Variants in OSBP2 observed in about 807,000 individuals in gnomAD.
The protein encoded by OSBP2 is oxysterol-binding protein 2.
In OSBP2, 66 loss-of-function variants were observed where a neutral mutation model predicts 96.0. That is an observed-to-expected ratio of 0.69 (90% CI 0.56 to 0.84). The LOEUF is 0.84. Among genes scored for constraint, OSBP2 ranks in the 40% least tolerant of loss-of-function variants. OSBP2 has a pLI of 0.00. For synonymous variants in OSBP2, 525 were observed against 520.9 expected (o/e 1.01, Z -0.11); for missense variants, 1,038 against 1,222.7 (o/e 0.85, Z 2.25).
intron 1 of OSBP2, among the ~76,000 whole-genome samples, chr22:30,739,761 G>A (rs1222820814): frequency 2.0e-5 from 3 of 152,156 alleles, no homozygotes; most frequent in Non-Finnish European, 2.9e-5. Flanking sequence ...TCTGCTGTGC[G>A]GGAGATGGGA....
chr22:30,853,592 G>A (rs2039017448), intron 2 of OSBP2, among the ~76,000 whole-genome samples: 1 of 151,982 alleles, frequency 6.6e-6, no homozygotes, highest in Admixed American at 6.6e-5. Flanking sequence ...TATCCAGCCT[G>A]ATAAAGTCTC....
chr22:30,695,519 T>C lies in OSBP2; in HGVS notation c.610T>C (p.Phe204Leu), dbSNP rs190861655. The C allele has an allele frequency of 6.2e-7, 1 of 1,611,780 alleles. No homozygotes were observed. The highest frequency in any genetic ancestry group is 8.5e-7 in the Non-Finnish European group (1 of 1,179,984). The change falls in exon 1 of 14, where the codon TTC becomes CTC. Residue 204 changes from phenylalanine (F) to leucine (L), a missense_variant. Phe to Leu is a conservative substitution (Grantham distance 22, BLOSUM62 0). Transcript: ENST00000332585. The part of the protein sequence containing the change: ...NYLKGYQRRW[F>L]VLGNGLLSYY... ...TCTGAAGGGCTACCAGCGCCGCTGG[T>C]TCGTGCTGGGCAATGGTTTGCTCTC...
At chr22:30,774,779 T>A (rs2090407325) in intron 2 of OSBP2, among the ~76,000 whole-genome samples, 1 of 152,246 alleles carries the variant, frequency 6.6e-6, no homozygotes. Context: ...TATACATCTG[T>A]GGCACCACTT....
chr22:30,717,613 GC>G (rs2089484999), intron 1 of OSBP2, among the ~76,000 whole-genome samples: 1 of 152,212 alleles, frequency 6.6e-6, no homozygotes, highest in South Asian at 2.1e-4. Context: ...AAGAATGATT[GC>G]CATAGCCTGT....
chr22:30,713,109 C>G (rs1459495981), intron 1 of OSBP2, among the ~76,000 whole-genome samples: 1 of 145,848 alleles, frequency 6.9e-6, no homozygotes, highest in Non-Finnish European at 1.5e-5. Flanking sequence ...GACAGAGTCT[C>G]ACTCTGTCGC....
chr22:30,757,603 A>C (rs1177459391), intron 2 of OSBP2, among the ~76,000 whole-genome samples: 1 of 152,006 alleles, frequency 6.6e-6, no homozygotes, highest in Non-Finnish European at 1.5e-5. Context: ...TTTTCGGTAG[A>C]GACAGGGTTC....
At chr22:30,773,553 C>T (rs2090385154) in intron 2 of OSBP2, among the ~76,000 whole-genome samples, 1 of 152,148 alleles carries the variant, frequency 6.6e-6, no homozygotes, top group Non-Finnish European at 1.5e-5. Flanking sequence ...CACTGAATGC[C>T]CAGTGCCTAC....
intron 3 of OSBP2, among the ~76,000 whole-genome samples, chr22:30,884,381 G>T (rs1314400189): frequency 6.6e-6 from 1 of 152,192 alleles, no homozygotes; most frequent in Admixed American, 6.5e-5. Context: ...GTCTCACAGA[G>T]AGGATGTGGG....
chr22:30,749,088 C>A (rs1341563502), intron 2 of OSBP2, among the ~76,000 whole-genome samples: 1 of 152,136 alleles, frequency 6.6e-6, no homozygotes, highest in Admixed American at 6.6e-5. Context: ...TGCACTCCAG[C>A]CTGGGTGAGA....
Position 30,889,208 on chromosome 22 carries a change from TC to T in OSBP2, c.1452del (p.Val485TrpfsTer10). On this transcript the variant is annotated frameshift_variant, in exon 6 of 14. Transcript: ENST00000332585. LOFTEE classifies it high-confidence loss of function. Reference sequence around the variant, plus strand: ...AGCTGAAGGTAGCACCGGGACAAGTTCCGTGGACTGGAGCTCAGCAGACAAT... The same window carrying T: ...AGCTGAAGGTAGCACCGGGACAAGTTCGTGGACTGGAGCTCAGCAGACAAT... ...RKAEGSTGTS[S>X]VDWSSADNVL... is the part of the protein sequence containing the mutation. 6.2e-7 allele frequency: 1 copy of T among 1,613,362 alleles called. No individual in the cohort carries two copies. The highest frequency in any genetic ancestry group is 8.5e-7 in the Non-Finnish European group (1 of 1,179,836).
chr22:30,830,478 T>A (rs1214090498), intron 2 of OSBP2, among the ~76,000 whole-genome samples: 1 of 152,218 alleles, frequency 6.6e-6, no homozygotes, highest in African/African-American at 2.4e-5. Context: ...CAAGTGTCTT[T>A]CCTGGTCAGG....
chr22:30,843,873 A>ATTT (rs760334311), intron 2 of OSBP2, among the ~76,000 whole-genome samples: 1 of 139,600 alleles, frequency 7.2e-6, no homozygotes, highest in Non-Finnish European at 1.6e-5. Flanking sequence ...GTCTCAAACA[A>ATTT]TTTTTTTTTT....
chr22:30,777,998 A>T (rs187786709), intron 2 of OSBP2, among the ~76,000 whole-genome samples: 1 of 151,676 alleles, frequency 6.6e-6, no homozygotes, highest in Non-Finnish European at 1.5e-5. Context: ...AGCTTATTTT[A>T]TTTATTTATT....
At chr22:30,846,002 CTATGAACATTCATGTGTGAGTT>C (rs1407324592) in intron 2 of OSBP2, among the ~76,000 whole-genome samples, 4 of 151,932 alleles carry the variant, frequency 2.6e-5, no homozygotes, top group Non-Finnish European at 5.9e-5. Context: ...AACAATGCTG[CTATGAACATTCATGTGTGAGTT>C]TTTGTGTGGA....
At chr22:30,869,460 G>A (rs1569158030) in intron 2 of OSBP2, among the ~76,000 whole-genome samples, 1 of 152,246 alleles carries the variant, frequency 6.6e-6, no homozygotes, top group Non-Finnish European at 1.5e-5. Context: ...TCGGTGAAGG[G>A]GAGCCTCAAC....
chr22:30,719,753 C>CAA (rs573348303), intron 1 of OSBP2, among the ~76,000 whole-genome samples: 1 of 107,786 alleles, frequency 9.3e-6, no homozygotes. Flanking sequence ...GACTCTGTCT[C>CAA]AAAAAAAAAA....
At chr22:30,730,794 A>C (rs1569100540) in intron 1 of OSBP2, among the ~76,000 whole-genome samples, 1 of 51,432 alleles carries the variant, frequency 1.9e-5, no homozygotes, top group East Asian at 5.4e-4. Context: ...ATATATATAT[A>C]TATATATATA....
At chr22:30,902,197 A>C in intron 12 of OSBP2, 1 of 1,092,438 alleles carries the variant, frequency 9.2e-7, no homozygotes, top group Non-Finnish European at 1.3e-6. Flanking sequence ...TCCCGTAGCC[A>C]GAAGGAGTCG....
At chr22:30,704,726 G>A (rs1471456101) in intron 1 of OSBP2, among the ~76,000 whole-genome samples, 1 of 152,008 alleles carries the variant, frequency 6.6e-6, no homozygotes, top group Non-Finnish European at 1.5e-5. Flanking sequence ...CCAAAGTGCT[G>A]GTATTACAGG....
Sources: gnomAD v4.1 joint callset for allele counts (sites outside exome capture counted in the v4.1 genomes callset) on GRCh38, gnomAD v4.1.1 for gene constraint, MANE v1.5 for transcripts, NCBI Gene and HGNC (gene_info 2026-07-23, HGNC 2026-07-21) for gene names.